Variants in PXDN observed in about 807,000 individuals in gnomAD.
PXDN encodes the protein peroxidasin homolog.
Under a neutral mutation model 140.3 loss-of-function variants are expected in PXDN, and 77 were observed. That is an observed-to-expected ratio of 0.55 (90% CI 0.46 to 0.66). The LOEUF is 0.66. Ranked by LOEUF, PXDN falls within the 30% of genes least tolerant of loss-of-function variation. The pLI is 0.00. For missense variants in PXDN, 1,838 were observed against 2,039.5 expected (o/e 0.90, Z 1.90); for synonymous variants, 911 against 857.4 (o/e 1.06, Z -1.09).
chr2:1,692,180 TGAAGA>T (rs1395304460), intron 2 of PXDN, among the ~76,000 whole-genome samples, 181 bp from the exon 3 acceptor site: 1 of 152,246 alleles, frequency 6.6e-6, no homozygotes, highest in Non-Finnish European at 1.5e-5. Flanking sequence ...TTAACCATCA[TGAAGA>T]AAACGTTGCT....
In PXDN at chr2:1,644,635, G is replaced by T. The variant is rs370083553; in HGVS notation, c.3726C>A (p.Arg1242=). 87 of 1,600,596 alleles carry T rather than the reference G, an allele frequency of 5.4e-5. No individual in the cohort carries two copies. The highest frequency in any genetic ancestry group is 6.9e-5 in the Non-Finnish European group (81 of 1,171,598). Reference sequence around the variant, plus strand: ...GTGCTCACCTGTCCCCATCTCGCAGGCGCTTGAACTGTGTGCTGAGAAGAC... The same window carrying T: ...GTGCTCACCTGTCCCCATCTCGCAGTCGCTTGAACTGTGTGCTGAGAAGAC... ...LMCLLSTQFK[R]LRDGDRLWYE... The change falls in exon 18 of 23, where the codon CGC becomes CGA. Residue 1242 remains arginine, a synonymous_variant. Coordinates refer to ENST00000252804, the MANE Select transcript of PXDN (RefSeq NM_012293.3).
intron 1 of PXDN, among the ~76,000 whole-genome samples, chr2:1,717,683 G>A (rs919588132): frequency 1.3e-5 from 2 of 152,072 alleles, no homozygotes; most frequent in African/African-American, 4.8e-5. Flanking sequence ...CTGACCTGCA[G>A]CACAGACATC....
chr2:1,661,187 C>T (rs893528088), intron 13 of PXDN, 150 bp from the exon 14 acceptor site: 38 of 885,936 alleles, frequency 4.3e-5, no homozygotes, highest in Non-Finnish European at 5.4e-5. Flanking sequence ...GCCTGGAAAG[C>T]GAAGGAGATG....
Position 1,653,418 on chromosome 2 carries a change from C to G in PXDN, c.2104+210G>C. ...CTGATCAGCACTCCAAGGGACTTCACGTCCCCCAGAGATTCCTATTAAACC... is the reference window on the plus strand; with the variant it reads ...CTGATCAGCACTCCAAGGGACTTCAGGTCCCCCAGAGATTCCTATTAAACC... On this transcript the variant is annotated intron_variant, in intron 16 of 22. Coordinates refer to ENST00000252804, the MANE Select transcript of PXDN (RefSeq NM_012293.3). 2.8e-6 allele frequency: 2 copies of G among 725,892 alleles called. 1 individual carries two copies. Among genetic ancestry groups the G allele is most frequent in the Admixed American group, 4.3e-5 (2 of 46,296 alleles). 45.0% of individuals were successfully genotyped at this position (725,892 alleles called of 1,614,324 possible). A position where few individuals can be genotyped will look rare whatever the true frequency, so the allele number is the denominator to read the frequency against.
In PXDN at chr2:1,744,478, T is replaced by G. The variant is rs1685644870; in HGVS notation, c.-23A>C. ...CATGGCCGACGGCGCGGACGGACGC[T>G]CGGACGCACGGAGCCACCACGGCCG... On this transcript the variant is annotated 5_prime_UTR_variant, in exon 1 of 23. Transcript: ENST00000252804. 1 of 1,427,948 alleles carries G rather than the reference T, an allele frequency of 7.0e-7. No homozygotes were observed. 88.5% of individuals were successfully genotyped at this position (1,427,948 alleles called of 1,614,324 possible). A position where few individuals can be genotyped will look rare whatever the true frequency, so the allele number is the denominator to read the frequency against.
chr2:1,733,808 G>C (rs6733042), intron 1 of PXDN, among the ~76,000 whole-genome samples: 36,190 of 146,058 alleles, frequency 0.25, 4,840 homozygotes, highest in East Asian at 0.58. Context: ...TATTACTCAG[G>C]AAAATATCAT....
At chr2:1,655,579 A>C (rs1358723405) in intron 14 of PXDN, among the ~76,000 whole-genome samples, 1 of 151,596 alleles carries the variant, frequency 6.6e-6, no homozygotes, top group Non-Finnish European at 1.5e-5. Context: ...CTCCTGACAG[A>C]AACCTGTCCC....
intron 1 of PXDN, among the ~76,000 whole-genome samples, chr2:1,704,642 AG>A (rs1260003373): frequency 7.7e-5 from 3 of 38,890 alleles, no homozygotes; most frequent in East Asian, 1.8e-3. Context: ...CTCCAGGTGA[AG>A]GGGGGGCAGC....
intron 1 of PXDN, among the ~76,000 whole-genome samples, chr2:1,701,718 C>T (rs1478406056): frequency 6.6e-6 from 1 of 152,094 alleles, no homozygotes; most frequent in Non-Finnish European, 1.5e-5. Flanking sequence ...GCGTTCGCAC[C>T]CCGTCAAATT....
chr2:1,635,008 G>A (rs2241459), intron 22 of PXDN, among the ~76,000 whole-genome samples: 23,579 of 152,228 alleles, frequency 0.15, 2,324 homozygotes, highest in East Asian at 0.29. Context: ...GATGGGACAG[G>A]GCCAGTGGTG....
At chr2:1,683,589 A>G (rs1683973046) in intron 6 of PXDN, 67 bp downstream of exon 6, 2 of 884,446 alleles carry the variant, frequency 2.3e-6, no homozygotes, top group Non-Finnish European at 3.1e-6. Context: ...AAAAAGAACC[A>G]GGTGAATAGA....
intron 1 of PXDN, among the ~76,000 whole-genome samples, chr2:1,696,063 G>C (rs1388648188): frequency 6.6e-6 from 1 of 152,244 alleles, no homozygotes; most frequent in African/African-American, 2.4e-5. Context: ...TTGAGTAAAA[G>C]TGCAAAACTC....
intron 16 of PXDN, among the ~76,000 whole-genome samples, chr2:1,652,070 CCTTT>C (rs1683027055): frequency 6.6e-6 from 1 of 152,150 alleles, no homozygotes; most frequent in Non-Finnish European, 1.5e-5. Flanking sequence ...TTTACTCTTT[CCTTT>C]CTGTCTTTCC....
At chr2:1,640,725 C>G (rs1045332460) in intron 19 of PXDN, among the ~76,000 whole-genome samples, 1 of 152,214 alleles carries the variant, frequency 6.6e-6, no homozygotes, top group Admixed American at 6.5e-5. Flanking sequence ...ACTACCGCAG[C>G]CCCTCCCAGC....
chr2:1,654,087 A>G (rs1683074726), intron 15 of PXDN: 3 of 487,502 alleles, frequency 6.2e-6, no homozygotes, highest in Non-Finnish European at 1.1e-5. Context: ...CAAATACACT[A>G]ATGACTTTTA....
In PXDN at chr2:1,744,328, A is replaced by T. The variant is rs1163331831; in HGVS notation, c.128T>A (p.Phe43Tyr). Residue 43 changes from phenylalanine to tyrosine, a missense_variant, in exon 1 of 23, where the codon TTC (phenylalanine) becomes TAC (tyrosine). Phe to Tyr is a conservative substitution (Grantham distance 22). Around this residue, in one of 5 missense-constraint regions of PXDN, gnomAD observed 231 missense variants for 201.5 expected, o/e 1.15. Transcript: ENST00000252804. ...ATGCATGCAGCGCACGGTGGTGCGG[A>T]AGCACAGGCAGCGGCTCGGACACCC... ...GAGCPSRCLC[F>Y]RTTVRCMHLL... The T allele has an allele frequency of 6.5e-7, 1 of 1,528,582 alleles. No homozygotes were observed. The highest frequency in any genetic ancestry group is 1.2e-5 in the South Asian group (1 of 83,228). The allele number at this position is 1,528,582 out of a possible 1,614,324, so 94.7% of individuals were successfully genotyped here.
At chr2:1,672,159 G>A (rs889714710) in intron 9 of PXDN, 5 of 152,202 alleles carry the variant, frequency 3.3e-5, no homozygotes, top group Non-Finnish European at 4.4e-5. Flanking sequence ...ACCGGATGGC[G>A]GGAGACTCTT....
chr2:1,720,414 G>A (rs1263681266), intron 1 of PXDN, among the ~76,000 whole-genome samples: 2 of 151,792 alleles, frequency 1.3e-5, no homozygotes, highest in Non-Finnish European at 2.9e-5. Context: ...CAGAGAGAGG[G>A]AGGGATGCAG....
intron 1 of PXDN, among the ~76,000 whole-genome samples, chr2:1,706,350 C>A (rs1405087992): frequency 6.6e-6 from 1 of 152,202 alleles, no homozygotes; most frequent in Non-Finnish European, 1.5e-5. Flanking sequence ...CTGTTTAAGT[C>A]ACAAATCGGA....
Sources: allele counts gnomAD v4.1 joint callset (sites outside exome capture counted in the v4.1 genomes callset), GRCh38; gene constraint gnomAD v4.1.1; regional missense constraint gnomAD v4.1.1; transcripts MANE v1.5; gene names NCBI Gene and HGNC (gene_info 2026-07-23, HGNC 2026-07-21).